Variants in STX8 observed in about 807,000 individuals in gnomAD.
STX8 encodes syntaxin 8.
A neutral mutation model predicts 37.5 loss-of-function variants in STX8; 23 were observed. The ratio of observed to expected loss-of-function variants is 0.61; its 90% CI spans 0.44 to 0.87. The LOEUF is 0.87. Among genes scored for constraint, STX8 ranks in the 40% least tolerant of loss-of-function variants. STX8 has a pLI of 0.00. For missense variants in STX8, 313 were observed against 284.7 expected (o/e 1.10, Z -0.71); for synonymous variants, 115 against 99.1 (o/e 1.16, Z -0.95).
chr17:9,491,794 A>C, intron 6 of STX8, 35 bp downstream of exon 6: 1 of 1,558,362 alleles, frequency 6.4e-7, no homozygotes, highest in Non-Finnish European at 8.8e-7. Context: ...ATTTATGTCA[A>C]CGGCAAATCT....
rs146975889 is a variant in STX8, at chr17:9,332,382, T to A, written c.643+46170A>T. ...GAGTTAACAAATCATCAGATCGACG[T>A]GCTGCCTTTGGTTAACTTAACCAAC... On this transcript the variant is annotated intron_variant, in intron 7 of 7. Transcript: ENST00000306357. Among the ~76,000 whole-genome samples, 578 of 152,326 alleles carry A rather than the reference T, an allele frequency of 3.8e-3. 3 individuals carry two copies. The highest frequency in any genetic ancestry group is 6.8e-3 in the Middle Eastern group (2 of 294).
intron 4 of STX8, among the ~76,000 whole-genome samples, chr17:9,516,558 C>A (rs771005029): frequency 8.6e-5 from 13 of 151,638 alleles, no homozygotes; most frequent in Non-Finnish European, 1.9e-4. Context: ...GGAAATCCAG[C>A]AATTTCACTC....
chr17:9,448,257 C>T (rs1301714228), intron 6 of STX8, among the ~76,000 whole-genome samples: 1 of 151,880 alleles, frequency 6.6e-6, no homozygotes, highest in Admixed American at 6.6e-5. Context: ...TTATTTGTAA[C>T]CCCCAAGACA....
intron 4 of STX8, among the ~76,000 whole-genome samples, chr17:9,526,835 C>T (rs1905590804): frequency 1.3e-5 from 2 of 150,588 alleles, no homozygotes. Context: ...TGTACTCTGC[C>T]CTGGGCAACA....
At chr17:9,559,849 G>A (rs1239802533) in intron 2 of STX8, among the ~76,000 whole-genome samples, 12 of 48 alleles carry the variant, frequency 0.25, no homozygotes, top group Admixed American at 0.5. Flanking sequence ...TACAACCTCC[G>A]CCTCCCGTTT....
chr17:9,498,769 G>C (rs1904507105), intron 5 of STX8, among the ~76,000 whole-genome samples: 1 of 152,176 alleles, frequency 6.6e-6, no homozygotes, highest in Non-Finnish European at 1.5e-5. Context: ...CATAAGACTA[G>C]ATGAAGCTGA....
At chr17:9,294,978 A>G (rs957658041) in intron 7 of STX8, among the ~76,000 whole-genome samples, 2 of 152,352 alleles carry the variant, frequency 1.3e-5, no homozygotes, top group African/African-American at 4.8e-5. Context: ...CAGAAGCCTC[A>G]GCAGAAACCG....
Position 9,557,459 on chromosome 17 carries a change from G to T in STX8, c.187C>A (p.Leu63Ile). The change falls in exon 3 of 8, where the codon CTA becomes ATA. Residue 63 changes from leucine to isoleucine, a missense_variant. Physicochemically the swap from Leu to Ile is conservative, Grantham distance 5. Coordinates refer to ENST00000306357, the MANE Select transcript of STX8 (RefSeq NM_004853.3). ...EKIALLKDLLLRAVSTHQITQ... is the reference protein window; with the variant it reads ...EKIALLKDLLIRAVSTHQITQ... ...ATCTGATGTGTTGACACAGCTCTTA[G>T]CAATAAGTCCTTCAAAAGGGCGATC... is the stretch of plus-strand genomic sequence containing the variant. The T allele has an allele frequency of 1.2e-6, 2 of 1,613,910 alleles. No homozygotes were observed. The highest frequency in any genetic ancestry group is 1.7e-6 in the Non-Finnish European group (2 of 1,179,852).
At chr17:9,497,549 A>G (rs551511071) in intron 5 of STX8, among the ~76,000 whole-genome samples, 2 of 152,312 alleles carry the variant, frequency 1.3e-5, no homozygotes, top group East Asian at 3.9e-4. Context: ...TGGGTTGACA[A>G]TCACTGAGGC....
chr17:9,466,783 C>A (rs1905630406), intron 6 of STX8, among the ~76,000 whole-genome samples: 1 of 152,154 alleles, frequency 6.6e-6, no homozygotes, highest in Non-Finnish European at 1.5e-5. Context: ...AATCTCAATT[C>A]AACCAACCTT....
At chr17:9,266,345 G>A (rs1432764740) in intron 7 of STX8, among the ~76,000 whole-genome samples, 1 of 152,204 alleles carries the variant, frequency 6.6e-6, no homozygotes, top group African/African-American at 2.4e-5. Context: ...GAGAAGCAGT[G>A]AGCCACCTCC....
intron 2 of STX8, among the ~76,000 whole-genome samples, chr17:9,563,268 C>T (rs1006057293): frequency 6.6e-6 from 1 of 151,752 alleles, no homozygotes; most frequent in African/African-American, 2.4e-5. Context: ...CTGTAACCTC[C>T]GCCTCCTGAG....
chr17:9,411,981 A>G (rs1912994940), intron 6 of STX8, among the ~76,000 whole-genome samples: 1 of 152,224 alleles, frequency 6.6e-6, no homozygotes, highest in African/African-American at 2.4e-5. Flanking sequence ...TAGACAAGCT[A>G]TAAAAGAATA....
intron 6 of STX8, among the ~76,000 whole-genome samples, chr17:9,483,788 G>A (rs767337157): frequency 2.0e-5 from 3 of 152,174 alleles, no homozygotes; most frequent in African/African-American, 4.8e-5. Context: ...GGTTCCCGGT[G>A]TGTCACACAA....
intron 6 of STX8, among the ~76,000 whole-genome samples, chr17:9,393,507 C>T (rs762992763): frequency 7.9e-5 from 12 of 152,042 alleles, no homozygotes; most frequent in South Asian, 2.1e-4. Context: ...CTTCAATGCA[C>T]GTAAGTATAA....
chr17:9,552,281 G>A (rs543021519), intron 3 of STX8, among the ~76,000 whole-genome samples: 13 of 152,318 alleles, frequency 8.5e-5, no homozygotes, highest in African/African-American at 3.1e-4. Flanking sequence ...ATTTGAGGCT[G>A]CACTGAGCTA....
At chr17:9,257,980 T>A (rs549471568) in intron 7 of STX8, among the ~76,000 whole-genome samples, 12 of 152,156 alleles carry the variant, frequency 7.9e-5, no homozygotes, top group Non-Finnish European at 1.5e-4. Context: ...CAGAGCGAGA[T>A]TTTGTTTAAA....
At chr17:9,456,341 C>T (rs1412594379) in intron 6 of STX8, among the ~76,000 whole-genome samples, 1 of 152,050 alleles carries the variant, frequency 6.6e-6, no homozygotes, top group Non-Finnish European at 1.5e-5. Flanking sequence ...AATTTGAAAC[C>T]CAGAGGCAGT....
intron 7 of STX8, among the ~76,000 whole-genome samples, chr17:9,264,270 A>G (rs1341313607): frequency 6.6e-6 from 1 of 152,228 alleles, no homozygotes; most frequent in Non-Finnish European, 1.5e-5. Flanking sequence ...TGTGAAGTGT[A>G]GCAAAACAAT....
Sources: allele counts gnomAD v4.1 joint callset (sites outside exome capture counted in the v4.1 genomes callset), GRCh38; gene constraint gnomAD v4.1.1; transcripts MANE v1.5; gene names NCBI Gene and HGNC (gene_info 2026-07-23, HGNC 2026-07-21).